The following COL25A1 variants were observed in gnomAD, a reference collection of about 807,000 sequenced individuals.
COL25A1 encodes collagen type XXV alpha 1 chain.
COL25A1 carries 103 observed loss-of-function variants against 128.4 expected under a neutral mutation model. The ratio of observed to expected loss-of-function variants is 0.80; its 90% CI spans 0.68 to 0.94. The LOEUF is 0.94. Ranked by LOEUF, COL25A1 falls within the 40% of genes least tolerant of loss-of-function variation. COL25A1 has a pLI of 0.00. For missense variants in COL25A1, 745 were observed against 840.0 expected (o/e 0.89, Z 1.40); for synonymous variants, 279 against 277.2 (o/e 1.01, Z -0.06).
intron 3 of COL25A1, among the ~76,000 whole-genome samples, chr4:109,056,967 C>A (rs1188787399): frequency 1.3e-5 from 2 of 152,152 alleles, no homozygotes; most frequent in African/African-American, 2.4e-5. Flanking sequence ...TCAAGCGATC[C>A]TCCCATCTCA....
intron 3 of COL25A1, among the ~76,000 whole-genome samples, chr4:109,142,656 T>C (rs556355496): frequency 1.8e-4 from 27 of 152,300 alleles, no homozygotes; most frequent in African/African-American, 6.5e-4. Flanking sequence ...TTTACCATTA[T>C]GTAATGGCCT....
intron 3 of COL25A1, among the ~76,000 whole-genome samples, chr4:109,226,222 AG>A (rs1244868147): frequency 6.6e-5 from 10 of 152,106 alleles, no homozygotes; most frequent in Non-Finnish European, 1.2e-4. Flanking sequence ...CTGGAGTCTC[AG>A]AAGAATGGGA....
rs146954607 is a variant in COL25A1, at chr4:109,073,679, T to G, written c.368-23500A>C. Among the ~76,000 whole-genome samples, 567 of 152,344 alleles carry G rather than the reference T, an allele frequency of 3.7e-3. 2 individuals carry two copies. Among genetic ancestry groups the G allele is most frequent in the Non-Finnish European group, 6.5e-3 (443 of 68,030 alleles). On this transcript the variant is annotated intron_variant, in intron 3 of 37. Transcript: ENST00000399132. ...ATAATTTACATACTTTGAGATGCTATCATATCTTTCCTGGCTGCTTTCCTT... is the reference window on the plus strand; with the variant it reads ...ATAATTTACATACTTTGAGATGCTAGCATATCTTTCCTGGCTGCTTTCCTT...
chr4:108,996,386 T>G (rs1436534828), intron 6 of COL25A1, among the ~76,000 whole-genome samples: 1 of 150,278 alleles, frequency 6.7e-6, no homozygotes, highest in Non-Finnish European at 1.5e-5. Context: ...GGCCATTACA[T>G]AATGGTAAAG....
chr4:108,989,956 T>C (rs1754011784), intron 6 of COL25A1, among the ~76,000 whole-genome samples: 1 of 151,954 alleles, frequency 6.6e-6, no homozygotes, highest in African/African-American at 2.4e-5. Context: ...CTTACTCCCG[T>C]AATGCCAACA....
intron 16 of COL25A1, among the ~76,000 whole-genome samples, chr4:108,891,464 T>A (rs1292482239): frequency 1.3e-5 from 2 of 152,184 alleles, no homozygotes; most frequent in African/African-American, 2.4e-5. Context: ...TTATTTCTAG[T>A]AAATTAAGTC....
intron 6 of COL25A1, among the ~76,000 whole-genome samples, chr4:108,990,702 A>G (rs952475318): frequency 6.6e-6 from 1 of 152,192 alleles, no homozygotes; most frequent in African/African-American, 2.4e-5. Flanking sequence ...GGGTGTTTAC[A>G]TGTGCATAAA....
intron 6 of COL25A1, among the ~76,000 whole-genome samples, chr4:108,994,487 C>A (rs1579017672): frequency 6.6e-6 from 1 of 152,204 alleles, no homozygotes; most frequent in South Asian, 2.1e-4. Flanking sequence ...GAGCCCACTG[C>A]GGTCAGCAAG....
Position 108,859,734 on chromosome 4 carries a change from C to T in COL25A1, c.1243-1G>A. On this transcript the variant is annotated splice_acceptor_variant, in intron 23 of 37. Coordinates refer to ENST00000399132, the MANE Select transcript of COL25A1 (RefSeq NM_198721.4). LOFTEE classifies it high-confidence loss of function. ...GATCCCCTTTTTGACCAGGTGGACC[C>T]TATGACAAAACCAATCAAGGGAAAA... 8 of 1,613,440 alleles carry T rather than the reference C, an allele frequency of 5.0e-6. No individual in the cohort carries two copies. Among genetic ancestry groups the T allele is most frequent in the Non-Finnish European group, 6.8e-6 (8 of 1,179,600 alleles).
Position 109,227,227 on chromosome 4 carries a change from A to G in COL25A1, c.367+73356T>C, listed in dbSNP as rs563445679. On this transcript the variant is annotated intron_variant, in intron 3 of 37. Transcript: ENST00000399132. ...TCTTATCCACAGAGTCAACATTGTG[A>G]TAACGCAGTTTAATGGAGTCAAATT... Among the ~76,000 whole-genome samples, 9 of 151,946 alleles carry G rather than the reference A, an allele frequency of 5.9e-5. No individual in the cohort carries two copies. The South Asian group carries it at 1.9e-3, about 32-fold the overall frequency.
intron 5 of COL25A1, among the ~76,000 whole-genome samples, chr4:109,039,671 T>C (rs1759686261): frequency 6.6e-6 from 1 of 152,220 alleles, no homozygotes; most frequent in African/African-American, 2.4e-5. Flanking sequence ...GATAAGGACC[T>C]TGAAGACAAA....
intron 3 of COL25A1, 89 bp from the exon 4 acceptor site, chr4:109,050,268 C>A: frequency 2.0e-6 from 2 of 985,406 alleles, no homozygotes; most frequent in South Asian, 1.7e-5. Context: ...TATATTTTCT[C>A]ATTGTTTTTA....
intron 11 of COL25A1, among the ~76,000 whole-genome samples, chr4:108,934,926 A>G (rs992216721): frequency 2.6e-5 from 4 of 152,192 alleles, no homozygotes; most frequent in South Asian, 4.1e-4. Flanking sequence ...GCTCTTCATT[A>G]TATGTTTTAA....
intron 3 of COL25A1, among the ~76,000 whole-genome samples, chr4:109,214,641 G>A (rs894118001): frequency 2.0e-5 from 3 of 151,874 alleles, no homozygotes; most frequent in Admixed American, 6.6e-5. Context: ...AACAAGTTAC[G>A]TGTTGGACAG....
intron 6 of COL25A1, 151 bp downstream of exon 6, chr4:109,010,207 G>A (rs1365159987): frequency 3.1e-6 from 2 of 652,996 alleles, no homozygotes; most frequent in African/African-American, 1.9e-5. Context: ...GAGGCCCCAA[G>A]GGTTTACTCC....
chr4:109,211,290 C>A (rs372631010), intron 3 of COL25A1, among the ~76,000 whole-genome samples: 54 of 102,490 alleles, frequency 5.3e-4, no homozygotes, highest in Non-Finnish European at 9.7e-4. Flanking sequence ...ATATATGAAA[C>A]TATATATATA....
chr4:108,834,497 TA>T (rs1176329547), intron 31 of COL25A1: 13 of 958,420 alleles, frequency 1.4e-5, no homozygotes, highest in Admixed American at 6.2e-5. Flanking sequence ...AACAACATAA[TA>T]CGCAGTTACA....
intron 3 of COL25A1, among the ~76,000 whole-genome samples, chr4:109,107,276 T>C (rs1766532007): frequency 6.6e-6 from 1 of 152,040 alleles, no homozygotes; most frequent in Admixed American, 6.6e-5. Context: ...TAGGAAAAAA[T>C]ATATTCTAGG....
intron 3 of COL25A1, among the ~76,000 whole-genome samples, chr4:109,186,587 A>G (rs1775153442): frequency 6.6e-6 from 1 of 152,178 alleles, no homozygotes; most frequent in South Asian, 2.1e-4. Flanking sequence ...TGAAAATCCA[A>G]AAAGGTCACT....
Sources: allele counts gnomAD v4.1 joint callset (sites outside exome capture counted in the v4.1 genomes callset), GRCh38; gene constraint gnomAD v4.1.1; transcripts MANE v1.5; gene names NCBI Gene and HGNC (gene_info 2026-07-23, HGNC 2026-07-21).